The following NEGR1 variants were observed in gnomAD, a reference collection of about 807,000 sequenced individuals.
NEGR1 encodes the protein neuronal growth regulator 1.
NEGR1 carries 10 observed loss-of-function variants against 40.9 expected under a neutral mutation model. The ratio of observed to expected loss-of-function variants is 0.24; its 90% CI spans 0.15 to 0.42. NEGR1 has a LOEUF of 0.42. Ranked by LOEUF, NEGR1 falls within the 10% of genes least tolerant of loss-of-function variation. The pLI, the probability that NEGR1 is intolerant of heterozygous loss-of-function variation, is 1.00. For missense variants in NEGR1, 352 were observed against 438.9 expected (o/e 0.80, Z 1.77); for synonymous variants, 185 against 166.8 (o/e 1.11, Z -0.84).
chr1:72,207,232 T>C (rs1419999279), intron 1 of NEGR1, among the ~76,000 whole-genome samples: 1 of 151,854 alleles, frequency 6.6e-6, no homozygotes, highest in African/African-American at 2.4e-5. Context: ...GAAACAATTA[T>C]TTCAAGAAGC....
At chr1:72,176,751 G>C (rs564494917) in intron 1 of NEGR1, among the ~76,000 whole-genome samples, 1 of 152,146 alleles carries the variant, frequency 6.6e-6, no homozygotes, top group South Asian at 2.1e-4. Context: ...GCTTGCATTT[G>C]TAAGCAGGAA....
intron 4 of NEGR1, among the ~76,000 whole-genome samples, chr1:71,688,373 T>TAAAAAAGATATATATAAGAA (rs1457888396): frequency 1.4e-5 from 1 of 71,308 alleles, no homozygotes; most frequent in African/African-American, 4.7e-5. Context: ...ATATGAGATA[T>TAAAAAAGATATATATAAGAA]ATACATAAAA....
Position 71,804,913 on chromosome 1 carries a change from C to A in NEGR1, c.410-28616G>T, listed in dbSNP as rs188284979. Among the ~76,000 whole-genome samples, 746 of 152,318 alleles carry A rather than the reference C, an allele frequency of 4.9e-3. 10 individuals are homozygous for A. The highest frequency in any genetic ancestry group is 0.017 in the African/African-American group (717 of 41,570). ...GGTGGAACACAGCCATATTTCTCTTCTTTCAAAAGCAAATGGGAGAAATAT... is the reference window on the plus strand; with the variant it reads ...GGTGGAACACAGCCATATTTCTCTTATTTCAAAAGCAAATGGGAGAAATAT... On this transcript the variant is annotated intron_variant, in intron 2 of 6. Coordinates refer to ENST00000357731, the MANE Select transcript of NEGR1 (RefSeq NM_173808.3).
chr1:71,442,850 G>T (rs543179588), intron 6 of NEGR1, among the ~76,000 whole-genome samples: 11 of 152,260 alleles, frequency 7.2e-5, no homozygotes, highest in Admixed American at 2.6e-4. Flanking sequence ...GAAACAAATT[G>T]AAGGTTATTG....
At chr1:72,021,587 G>T (rs1303585229) in intron 1 of NEGR1, among the ~76,000 whole-genome samples, 3 of 151,966 alleles carry the variant, frequency 2.0e-5, no homozygotes, top group Admixed American at 6.6e-5. Context: ...GAAATTAAAA[G>T]AAAAGTAAAA....
intron 1 of NEGR1, among the ~76,000 whole-genome samples, chr1:72,193,488 T>C (rs182114788): frequency 6.6e-6 from 1 of 151,804 alleles, no homozygotes; most frequent in Non-Finnish European, 1.5e-5. Context: ...TAAAACAAGA[T>C]TAGAGTGAAT....
chr1:71,582,125 T>C (rs183207964), intron 6 of NEGR1, among the ~76,000 whole-genome samples: 13 of 152,268 alleles, frequency 8.5e-5, no homozygotes, highest in Admixed American at 7.2e-4. Context: ...TTGCAAGGTA[T>C]ACAATTGATT....
At chr1:72,148,878 T>A (rs1651013108) in intron 1 of NEGR1, among the ~76,000 whole-genome samples, 1 of 152,144 alleles carries the variant, frequency 6.6e-6, no homozygotes, top group African/African-American at 2.4e-5. Context: ...AACAAGTTTG[T>A]AGGAGGTTCC....
At chr1:71,539,149 C>T (rs921163962) in intron 6 of NEGR1, among the ~76,000 whole-genome samples, 3 of 151,678 alleles carry the variant, frequency 2.0e-5, no homozygotes, top group African/African-American at 7.3e-5. Flanking sequence ...ATGATGATAT[C>T]TACCACTCAA....
chr1:72,231,445 T>A (rs1323787790), intron 1 of NEGR1, among the ~76,000 whole-genome samples: 2 of 152,164 alleles, frequency 1.3e-5, no homozygotes, highest in East Asian at 3.9e-4. Flanking sequence ...TCCTCATATT[T>A]ACATGGGGAC....
At chr1:71,560,560 G>A (rs974970247) in intron 6 of NEGR1, among the ~76,000 whole-genome samples, 1 of 150,284 alleles carries the variant, frequency 6.7e-6, no homozygotes, top group African/African-American at 2.4e-5. Context: ...AAGTCACCCA[G>A]CATATTTCAA....
chr1:71,581,909 G>T (rs1649151744), intron 6 of NEGR1, among the ~76,000 whole-genome samples: 1 of 151,880 alleles, frequency 6.6e-6, no homozygotes, highest in Non-Finnish European at 1.5e-5. Flanking sequence ...TTGCCATGTT[G>T]CCCAAGCTGG....
chr1:72,091,006 A>G lies in NEGR1; in HGVS notation c.177-155695T>C, dbSNP rs867530585. Among the ~76,000 whole-genome samples, 5 of 152,310 alleles carry G rather than the reference A, an allele frequency of 3.3e-5. No homozygotes were observed. In the South Asian group the frequency reaches 1.0e-3, roughly 32 times the overall value. The stretch of plus-strand genomic sequence containing the variant: ...ATCCCCAGCTATGAAGCTTTTTGTG[A>G]AAACATATATCATCACCTGCATCTG... On this transcript the variant is annotated intron_variant, in intron 1 of 6. Transcript: ENST00000357731.
intron 5 of NEGR1, among the ~76,000 whole-genome samples, chr1:71,595,971 C>A (rs974789775): frequency 1.3e-5 from 2 of 148,592 alleles, no homozygotes; most frequent in Admixed American, 6.8e-5. Flanking sequence ...AAGAATCATT[C>A]TTATATTGAC....
At chr1:71,485,668 A>T (rs922992441) in intron 6 of NEGR1, among the ~76,000 whole-genome samples, 2 of 151,702 alleles carry the variant, frequency 1.3e-5, no homozygotes, top group African/African-American at 2.4e-5. Context: ...CTAGAATGAC[A>T]TATAGTAGGA....
intron 1 of NEGR1, among the ~76,000 whole-genome samples, chr1:72,190,407 T>C (rs1374715791): frequency 6.6e-6 from 1 of 151,630 alleles, no homozygotes; most frequent in Non-Finnish European, 1.5e-5. Flanking sequence ...TTGATAATTG[T>C]AAAATGCATG....
At chr1:72,076,301 C>T (rs112184043) in intron 1 of NEGR1, among the ~76,000 whole-genome samples, 2,113 of 152,168 alleles carry the variant, frequency 0.014, 48 homozygotes, top group African/African-American at 0.048. Flanking sequence ...GCTTCTTTCA[C>T]GATGTGAAGA....
chr1:72,266,724 A>AACACACAC (rs3082237), intron 1 of NEGR1, among the ~76,000 whole-genome samples: 2,207 of 133,758 alleles, frequency 0.016, 30 homozygotes, highest in Non-Finnish European at 0.019. Context: ...TAGACAGATA[A>AACACACAC]ACACACACAC....
intron 1 of NEGR1, among the ~76,000 whole-genome samples, chr1:72,140,283 G>A (rs1239296169): frequency 6.6e-6 from 1 of 151,578 alleles, no homozygotes; most frequent in Non-Finnish European, 1.5e-5. Context: ...TTATGTGTTA[G>A]TTTATTTTTG....
Sources: allele counts gnomAD v4.1 joint callset (sites outside exome capture counted in the v4.1 genomes callset), GRCh38; gene constraint gnomAD v4.1.1; transcripts MANE v1.5; gene names NCBI Gene and HGNC (gene_info 2026-07-23, HGNC 2026-07-21).